GTPBP8: variants seen among roughly 807,000 people sequenced by gnomAD.
The protein encoded by GTPBP8 is GTP-binding protein 8.
In GTPBP8, 21 loss-of-function variants were observed where a neutral mutation model predicts 27.3. The ratio of observed to expected loss-of-function variants is 0.77; its 90% CI spans 0.55 to 1.11. The LOEUF (loss-of-function observed/expected upper bound fraction) is 1.11, where lower values mean the gene tolerates loss of function less well. GTPBP8 is among the 50% of genes least tolerant of loss of function. GTPBP8 has a pLI of 0.00. For missense variants in GTPBP8, 380 were observed against 350.8 expected (o/e 1.08, Z -0.67); for synonymous variants, 147 against 135.3 (o/e 1.09, Z -0.60).
At position 112,991,167 on chromosome 3, in the gene GTPBP8, G is replaced by A; in HGVS notation, c.168G>A (p.Arg56=). ...KLLYPLQEVE[R]FLAPYGRQDL... is the part of the protein sequence containing the mutation. ...TGTACCCGCTGCAGGAAGTAGAGCG[G>A]TTCCTCGCCCCCTACGGGAGGCAAG... Residue 56 remains arginine (R), a synonymous_variant, in exon 1 of 6, where the codon CGG becomes CGA. Coordinates refer to ENST00000383678, the MANE Select transcript of GTPBP8 (RefSeq NM_014170.4). 1 of 1,614,160 alleles carries A rather than the reference G, an allele frequency of 6.2e-7. No individual in the cohort carries two copies.
chr3:113,000,273 C>G (rs991620573), intron 5 of GTPBP8, among the ~76,000 whole-genome samples: 1 of 151,976 alleles, frequency 6.6e-6, no homozygotes, highest in African/African-American at 2.4e-5. Flanking sequence ...TGGCACATGC[C>G]TGTAATCCCA....
chr3:112,994,318 G>C (rs1933743831), intron 2 of GTPBP8, among the ~76,000 whole-genome samples: 1 of 151,914 alleles, frequency 6.6e-6, no homozygotes, highest in African/African-American at 2.4e-5. Context: ...AGCTAATCGG[G>C]AGGCTGAGGC....
Position 113,001,899 on chromosome 3 carries a change from T to C in GTPBP8, c.*980T>C, listed in dbSNP as rs1933921938. 6.6e-6 allele frequency: 1 copy of C among 152,224 alleles called. No individual in the cohort carries two copies. The highest frequency in any genetic ancestry group is 1.5e-5 in the Non-Finnish European group (1 of 68,036). 9.4% of individuals were successfully genotyped at this position (152,224 alleles called of 1,614,324 possible). A position where few individuals can be genotyped will look rare whatever the true frequency, so the allele number is the denominator to read the frequency against. On this transcript the variant is annotated 3_prime_UTR_variant, in exon 6 of 6. Coordinates refer to ENST00000383678, the MANE Select transcript of GTPBP8 (RefSeq NM_014170.4). ...ACCTATTCATGTAAGTGGCTTAGGT[T>C]TTCAAAGTGAAGCTTAATATTAAAA...
chr3:112,999,498 T>G lies in GTPBP8; in HGVS notation c.719T>G (p.Val240Gly), dbSNP rs767861476. 1.6e-5 allele frequency: 25 copies of G among 1,550,228 alleles called. No individual in the cohort carries two copies. Among genetic ancestry groups the G allele is most frequent in the Non-Finnish European group, 2.1e-5 (24 of 1,137,554 alleles). ...KSSKGHLLKQ[V>G]LQIQKFVNMK... ...TCCAAGGGACATCTTTTAAAACAAG[T>G]GCTTCAGATCCAGAAATTTGTTAAC... The change falls in exon 5 of 6, where the codon GTG (valine) becomes GGG (glycine). Residue 240 changes from valine to glycine, a missense_variant. Transcript: ENST00000383678.
chr3:112,995,353 T>A, intron 3 of GTPBP8, 88 bp downstream of exon 3: 1 of 770,868 alleles, frequency 1.3e-6, no homozygotes, highest in East Asian at 2.7e-5. Context: ...GATTAACACT[T>A]CAGTTTTATC....
intron 3 of GTPBP8, among the ~76,000 whole-genome samples, chr3:112,996,569 C>G (rs1933790966): frequency 6.6e-6 from 1 of 152,124 alleles, no homozygotes; most frequent in African/African-American, 2.4e-5. Context: ...GTATCTCTTT[C>G]TCCTCCTCGA....
chr3:112,996,923 G>C lies in GTPBP8; in HGVS notation c.598G>C (p.Val200Leu), dbSNP rs376586493. Reference sequence around the variant, plus strand: ...GAGAACATTTTTATTAGTGGATAGCGTTGTTGGAATTCAAAAAACAGACAA... The same window carrying C: ...GAGAACATTTTTATTAGTGGATAGCCTTGTTGGAATTCAAAAAACAGACAA... ...LKRTFLLVDS[V>L]VGIQKTDNIA... Residue 200 changes from valine to leucine, a missense_variant, in exon 4 of 6, where the codon GTT (valine) becomes CTT (leucine). Physicochemically the swap from Val to Leu is conservative, Grantham distance 32. Transcript: ENST00000383678. The C allele has an allele frequency of 6.4e-7, 1 of 1,571,604 alleles. No individual in the cohort carries two copies. The highest frequency in any genetic ancestry group is 8.8e-7 in the Non-Finnish European group (1 of 1,142,666).
At chr3:112,991,494 T>C (rs1933678897) in intron 1 of GTPBP8, 159 bp downstream of exon 1, 1 of 732,552 alleles carries the variant, frequency 1.4e-6, no homozygotes, top group South Asian at 1.5e-5. Flanking sequence ...ATGCTCCCTG[T>C]ACGTGGGGAT....
chr3:113,000,122 T>G (rs1261623023), intron 5 of GTPBP8, among the ~76,000 whole-genome samples: 1 of 152,172 alleles, frequency 6.6e-6, no homozygotes, highest in Non-Finnish European at 1.5e-5. Flanking sequence ...GTGCCATGGC[T>G]CATGCCTGTG....
At chr3:112,994,251 C>G (rs767122303) in intron 2 of GTPBP8, among the ~76,000 whole-genome samples, 7 of 152,042 alleles carry the variant, frequency 4.6e-5, no homozygotes, top group Non-Finnish European at 7.4e-5. Context: ...TGGAGAAACC[C>G]CATTTCCACT....
intron 4 of GTPBP8, 104 bp downstream of exon 4, chr3:112,997,095 G>C (rs1933802106): frequency 3.1e-6 from 2 of 638,810 alleles, no homozygotes; most frequent in Non-Finnish European, 5.5e-6. Flanking sequence ...TGCCTCAAAA[G>C]ATAAAGGAGA....
At position 113,000,959 on chromosome 3, in the gene GTPBP8, A is replaced by AG; in HGVS notation, c.*40_*41insG. The AG allele has an allele frequency of 9.0e-7, 1 of 1,115,836 alleles. No individual in the cohort carries two copies. The highest frequency in any genetic ancestry group is 2.2e-5 in the Admixed American group (1 of 46,314). 69.1% of individuals were successfully genotyped at this position (1,115,836 alleles called of 1,614,324 possible). ...GCTGAAGATTCAAAAAAAAAAAAAA[A>AG]AGCTTTATGCTAACTGGAGTTAAAT... On this transcript the variant is annotated 3_prime_UTR_variant, in exon 6 of 6. Transcript: ENST00000383678.
intron 3 of GTPBP8, among the ~76,000 whole-genome samples, chr3:112,996,510 T>C (rs1223225191): frequency 2.0e-5 from 3 of 152,116 alleles, no homozygotes; most frequent in African/African-American, 7.2e-5. Context: ...TTTTTTATAA[T>C]TTATGGTTCC....
At chr3:113,000,384 C>CA (rs890521508) in intron 5 of GTPBP8, among the ~76,000 whole-genome samples, 1 of 151,574 alleles carries the variant, frequency 6.6e-6, no homozygotes, top group Non-Finnish European at 1.5e-5. Context: ...CCACCACCAC[C>CA]AAAAAAAACT....
Position 112,995,163 on chromosome 3 carries a change from A to C in GTPBP8, c.464A>C (p.Lys155Thr). ...CACACAAAGAAAATGAATTTTTTCAAAGTTGGAAAACATTTTACAGTGGTG... is the reference window on the plus strand; with the variant it reads ...CACACAAAGAAAATGAATTTTTTCACAGTTGGAAAACATTTTACAGTGGTG... ...PGHTKKMNFF[K>T]VGKHFTVVDM... Residue 155 changes from lysine (K) to threonine (T), a missense_variant, in exon 3 of 6, where the codon AAA becomes ACA. Lys to Thr is a moderately conservative substitution (Grantham distance 78). Coordinates refer to ENST00000383678, the MANE Select transcript of GTPBP8 (RefSeq NM_014170.4). 1 of 1,598,296 alleles carries C rather than the reference A, an allele frequency of 6.3e-7. No individual in the cohort carries two copies. The highest frequency in any genetic ancestry group is 8.5e-7 in the Non-Finnish European group (1 of 1,174,364).
chr3:112,993,524 A>C (rs917769695), intron 2 of GTPBP8, among the ~76,000 whole-genome samples: 1 of 152,200 alleles, frequency 6.6e-6, no homozygotes, highest in Non-Finnish European at 1.5e-5. Context: ...GTGATTAGTT[A>C]CACACACACA....
intron 5 of GTPBP8, 60 bp downstream of exon 5, chr3:112,999,624 G>GTT: frequency 4.2e-5 from 27 of 645,576 alleles, no homozygotes; most frequent in South Asian, 2.4e-4. Context: ...AATGTTGTGG[G>GTT]TTTTTTTTTT....
rs1023748944 is a variant in GTPBP8 at position 112,995,370 on chromosome 3, CTTATT to C, written c.566+110_566+114del. ...TTAACACTTCAGTTTTATCAAATGA[CTTATT>C]TTATAAGGTCCATTTTATTCTCATA... is the stretch of plus-strand genomic sequence containing the variant. On this transcript the variant is annotated intron_variant, in intron 3 of 5. Coordinates refer to ENST00000383678, the MANE Select transcript of GTPBP8 (RefSeq NM_014170.4). The C allele has an allele frequency of 1.9e-5, 13 of 690,952 alleles. No individual in the cohort carries two copies. The South Asian group carries it at 2.3e-4, about 12-fold the overall frequency. 42.8% of individuals were successfully genotyped at this position (690,952 alleles called of 1,614,324 possible).
At chr3:112,991,894 A>T (rs1043087765) in intron 1 of GTPBP8, 2 of 243,634 alleles carry the variant, frequency 8.2e-6, no homozygotes, top group Non-Finnish European at 1.6e-5. Flanking sequence ...ATGTGGAAAA[A>T]TTTTTATAAC....
Sources: allele counts gnomAD v4.1 joint callset (sites outside exome capture counted in the v4.1 genomes callset), GRCh38; gene constraint gnomAD v4.1.1; transcripts MANE v1.5; gene names NCBI Gene and HGNC (gene_info 2026-07-23, HGNC 2026-07-21).